ST8SIA3: variants seen among roughly 807,000 people sequenced by gnomAD.
ST8SIA3 encodes the protein alpha-N-acetylneuraminate alpha-2,8-sialyltransferase ST8SIA3.
ST8SIA3 carries 17 observed loss-of-function variants against 34.5 expected under a neutral mutation model. The observed-to-expected ratio is 0.49, with a 90% CI of 0.34 to 0.74. The LOEUF is 0.74. Among genes scored for constraint, ST8SIA3 ranks in the 30% least tolerant of loss-of-function variants. The pLI, the probability that ST8SIA3 is intolerant of heterozygous loss-of-function variation, is 0.01. For missense variants in ST8SIA3, 354 were observed against 467.8 expected, an observed-to-expected ratio of 0.76 and a Z score of 2.24; for synonymous variants, 172 against 176.1, an observed-to-expected ratio of 0.98 and a Z score of 0.19.
chr18:57,356,333 T>C (rs531950452), intron 2 of ST8SIA3, among the ~76,000 whole-genome samples: 1 of 152,344 alleles, frequency 6.6e-6, no homozygotes, highest in East Asian at 1.9e-4. Context: ...CAAAGGACCT[T>C]AATGAGATTA....
At chr18:57,353,184 C>T (rs2049775497) in intron 1 of ST8SIA3, among the ~76,000 whole-genome samples, 159 bp downstream of exon 1, 1 of 152,058 alleles carries the variant, frequency 6.6e-6, no homozygotes, top group South Asian at 2.1e-4. Context: ...TCCCTTCCCC[C>T]TCCCTGTTAT....
At chr18:57,355,328 G>T (rs1310806657) in intron 2 of ST8SIA3, among the ~76,000 whole-genome samples, 1 of 152,140 alleles carries the variant, frequency 6.6e-6, no homozygotes, top group African/African-American at 2.4e-5. Context: ...GCCATCTAGC[G>T]TATTCATTAG....
chr18:57,354,102 T>C (rs1310641861), intron 1 of ST8SIA3, among the ~76,000 whole-genome samples: 1 of 152,216 alleles, frequency 6.6e-6, no homozygotes, highest in Non-Finnish European at 1.5e-5. Context: ...TCCCTGGTCC[T>C]CGCAGCGCCG....
chr18:57,354,718 G>T (rs1250202246), intron 2 of ST8SIA3, among the ~76,000 whole-genome samples, 194 bp downstream of exon 2: 1 of 151,672 alleles, frequency 6.6e-6, no homozygotes, highest in African/African-American at 2.4e-5. Flanking sequence ...TCTCCTGTGT[G>T]TGTAGTGTCC....
rs771273851 is a variant in ST8SIA3, at chr18:57,354,376, T to C, written c.180-26T>C. 2.5e-6 allele frequency: 4 copies of C among 1,613,556 alleles called. No homozygotes were observed. The East Asian group carries it at 8.9e-5, about 36-fold the overall frequency. ...CTTCCCCGAGCTGAGGCCAGCACGC[T>C]TGTCTGTGCTCATGCTCCTCTCCAG... On this transcript the variant is annotated intron_variant, in intron 1 of 3. Coordinates refer to ENST00000324000, the MANE Select transcript of ST8SIA3 (RefSeq NM_015879.3).
rs888769616 is a variant in ST8SIA3 at position 57,361,712 on chromosome 18, C to G, written c.*1435C>G. The G allele has an allele frequency of 1.3e-5, 2 of 152,630 alleles. No homozygotes were observed. The highest frequency in any genetic ancestry group is 2.9e-5 in the Non-Finnish European group (2 of 68,042). The allele number at this position is 152,630 out of a possible 1,614,324, so 9.5% of individuals were successfully genotyped here. On this transcript the variant is annotated 3_prime_UTR_variant, in exon 4 of 4. Transcript: ENST00000324000. ...AGCACTTTGTTCTTCCAATTCAGCC[C>G]AACGTCTGGCCAAGTTGATGTTAAA...
In ST8SIA3 at chr18:57,356,913, G is replaced by T. The variant is rs1245380951; in HGVS notation, c.303G>T (p.Arg101Ser). The change falls in exon 3 of 4, where the codon AGG becomes AGT. Residue 101 changes from arginine (R) to serine (S), a missense_variant and splice_region_variant. Transcript: ENST00000324000. ...KFNRTAFLHQ[R>S]QEILQHVDVI... ...TTTCATGAATTTCTTTTTATTTTAG[G>T]CAAGAAATTCTTCAGCATGTCGATG... 2 of 1,570,484 alleles carry T rather than the reference G, an allele frequency of 1.3e-6. No individual in the cohort carries two copies. Among genetic ancestry groups the T allele is most frequent in the Non-Finnish European group, 8.7e-7 (1 of 1,153,402 alleles).
chr18:57,359,839 C>T (rs577768320), intron 3 of ST8SIA3, among the ~76,000 whole-genome samples, 156 bp from the exon 4 acceptor site: 1 of 152,264 alleles, frequency 6.6e-6, no homozygotes, highest in African/African-American at 2.4e-5. Context: ...ACCAGTTGTG[C>T]CCAGAAGTTG....
chr18:57,354,462 C>G lies in ST8SIA3; in HGVS notation c.240C>G (p.Thr80=). 1 of 1,614,178 alleles carries G rather than the reference C, an allele frequency of 6.2e-7. No homozygotes were observed. The highest frequency in any genetic ancestry group is 8.5e-7 in the Non-Finnish European group (1 of 1,180,018). ...PSFVPITNSL[T]QELQEKPSKW... is the part of the protein sequence containing the mutation. ...TCGTGCCCATTACGAATTCTCTCAC[C>G]CAGGAACTCCAAGAGAAACCTTCTA... Residue 80 remains threonine (T), a synonymous_variant, in exon 2 of 4, where the codon ACC becomes ACG. Transcript: ENST00000324000.
In ST8SIA3 at chr18:57,364,756, T is replaced by C. The variant is rs2049850896; in HGVS notation, c.*4479T>C. ...TGGTACTAAGCATCAAAATGATTCATTATGCCTCTCTCACACTCCGATTGC... is the reference window on the plus strand; with the variant it reads ...TGGTACTAAGCATCAAAATGATTCACTATGCCTCTCTCACACTCCGATTGC... On this transcript the variant is annotated 3_prime_UTR_variant, in exon 4 of 4. Transcript: ENST00000324000. The C allele has an allele frequency of 6.6e-6, 1 of 152,642 alleles. No individual in the cohort carries two copies. Among genetic ancestry groups the C allele is most frequent in the Non-Finnish European group, 1.5e-5 (1 of 68,034 alleles). The allele number at this position is 152,642 out of a possible 1,614,324, so 9.5% of individuals were successfully genotyped here. A position where few individuals can be genotyped will look rare whatever the true frequency, so the allele number is the denominator to read the frequency against.
intron 3 of ST8SIA3, among the ~76,000 whole-genome samples, chr18:57,358,570 A>G (rs559557497): frequency 1.3e-5 from 2 of 152,330 alleles, no homozygotes; most frequent in East Asian, 1.9e-4. Flanking sequence ...GCCATAATTT[A>G]CAGTCCAAAC....
In ST8SIA3 at chr18:57,357,149, T is replaced by C. The variant is rs1405970835; in HGVS notation, c.539T>C (p.Ile180Thr). 6.2e-7 allele frequency: 1 copy of C among 1,614,082 alleles called. No individual in the cohort carries two copies. Among genetic ancestry groups the C allele is most frequent in the African/African-American group, 1.3e-5 (1 of 75,044 alleles). The change falls in exon 3 of 4, where the codon ATA becomes ACA. Residue 180 changes from isoleucine (I) to threonine (T), a missense_variant. Ile to Thr is a moderately conservative substitution (Grantham distance 89, BLOSUM62 -1). Transcript: ENST00000324000. ...ACAGGGAGCCAGTGTGGACAAGAAATAGATAAATCAGATTTTGTTTTCCGT... is the reference window on the plus strand; with the variant it reads ...ACAGGGAGCCAGTGTGGACAAGAAACAGATAAATCAGATTTTGTTTTCCGT... ...ILTGSQCGQE[I>T]DKSDFVFRCN...
chr18:57,357,321 G>T lies in ST8SIA3; in HGVS notation c.711G>T (p.Lys237Asn). ...ACAACTTTTTCCTCAGTTTAAAAAA[G>T]CTTGACGGGGCCATTCTTTGGATCC... ...DRNNFFLSLK[K>N]LDGAILWIPA... Residue 237 changes from lysine to asparagine, a missense_variant, in exon 3 of 4, where the codon AAG becomes AAT. Around this residue, in one of 3 missense-constraint regions of ST8SIA3, gnomAD observed 166 missense variants for 245.2 expected, o/e 0.68. Coordinates refer to ENST00000324000, the MANE Select transcript of ST8SIA3 (RefSeq NM_015879.3). 1 of 1,613,842 alleles carries T rather than the reference G, an allele frequency of 6.2e-7. No homozygotes were observed. The highest frequency in any genetic ancestry group is 8.5e-7 in the Non-Finnish European group (1 of 1,179,976).
At position 57,353,962 on chromosome 18, in the gene ST8SIA3, AG is replaced by A. The variant is rs1354558231; in HGVS notation, c.180-438del. Among the ~76,000 whole-genome samples, 5 of 152,352 alleles carry A rather than the reference AG, an allele frequency of 3.3e-5. No homozygotes were observed. In the East Asian group the frequency reaches 5.8e-4, roughly 18 times the overall value. On this transcript the variant is annotated intron_variant, in intron 1 of 3. Transcript: ENST00000324000. ...CGTGGGTTTGGGAAGGAAGAGGTTA[AG>A]GCAGGAACCACCCCCAGACTTTCCC...
Position 57,362,280 on chromosome 18 carries a change from G to A in ST8SIA3, c.*2003G>A, listed in dbSNP as rs535410118. On this transcript the variant is annotated 3_prime_UTR_variant, in exon 4 of 4. Coordinates refer to ENST00000324000, the MANE Select transcript of ST8SIA3 (RefSeq NM_015879.3). ...ACTGAGAGATTGACAACTGACAGAA[G>A]TGTTTAGTTGGCTGTTCCTGAGCAC... 1 of 152,302 alleles carries A rather than the reference G, an allele frequency of 6.6e-6. No homozygotes were observed. The highest frequency in any genetic ancestry group is 1.9e-4 in the East Asian group (1 of 5,188). 9.4% of individuals were successfully genotyped at this position (152,302 alleles called of 1,614,324 possible). A position where few individuals can be genotyped will look rare whatever the true frequency, so the allele number is the denominator to read the frequency against.
chr18:57,354,068 G>T (rs1219554623), intron 1 of ST8SIA3, among the ~76,000 whole-genome samples: 1 of 152,242 alleles, frequency 6.6e-6, no homozygotes, highest in Admixed American at 6.5e-5. Context: ...GGCTGGCGGG[G>T]CGGCCGCTGT....
rs2049852143 is a variant in ST8SIA3, at chr18:57,364,937, G to A, written c.*4660G>A. ...GTATGAATAGATGTTCCTCAGTGAAGCCTATTCTCTTGTTGTTGATGACAG... is the reference window on the plus strand; with the variant it reads ...GTATGAATAGATGTTCCTCAGTGAAACCTATTCTCTTGTTGTTGATGACAG... On this transcript the variant is annotated 3_prime_UTR_variant, in exon 4 of 4. Transcript: ENST00000324000. The A allele has an allele frequency of 6.6e-6, 1 of 152,252 alleles. No homozygotes were observed. Among genetic ancestry groups the A allele is most frequent in the African/African-American group, 2.4e-5 (1 of 41,464 alleles). The allele number at this position is 152,252 out of a possible 1,614,324, so 9.4% of individuals were successfully genotyped here.
At position 57,361,808 on chromosome 18, in the gene ST8SIA3, G is replaced by A. The variant is rs2049832363; in HGVS notation, c.*1531G>A. The A allele has an allele frequency of 6.6e-6, 1 of 152,552 alleles. No individual in the cohort carries two copies. The allele number at this position is 152,552 out of a possible 1,614,324, so 9.4% of individuals were successfully genotyped here. ...ATTTGTTATGCATTTGAGTGGGGTAGCTCATTCTTTTCCTGAAATCTCATC... is the reference window on the plus strand; with the variant it reads ...ATTTGTTATGCATTTGAGTGGGGTAACTCATTCTTTTCCTGAAATCTCATC... On this transcript the variant is annotated 3_prime_UTR_variant, in exon 4 of 4. Coordinates refer to ENST00000324000, the MANE Select transcript of ST8SIA3 (RefSeq NM_015879.3).
rs1210807082 is a variant in ST8SIA3, at chr18:57,368,299, G to A, written c.*8022G>A. 1 of 152,166 alleles carries A rather than the reference G, an allele frequency of 6.6e-6. No individual in the cohort carries two copies. Among genetic ancestry groups the A allele is most frequent in the Non-Finnish European group, 1.5e-5 (1 of 68,034 alleles). The allele number at this position is 152,166 out of a possible 1,614,324, so 9.4% of individuals were successfully genotyped here. ...TTGCATTTCAGCATTTTAAAGAATA[G>A]TGTATCAGTATAGAAGGAGGAGCAA... On this transcript the variant is annotated 3_prime_UTR_variant, in exon 4 of 4. Coordinates refer to ENST00000324000, the MANE Select transcript of ST8SIA3 (RefSeq NM_015879.3).
Sources: gnomAD v4.1 joint callset for allele counts (sites outside exome capture counted in the v4.1 genomes callset) on GRCh38, gnomAD v4.1.1 for gene constraint, gnomAD v4.1.1 regional missense constraint, MANE v1.5 for transcripts, NCBI Gene and HGNC (gene_info 2026-07-23, HGNC 2026-07-21) for gene names.